Variants in CTNNA2 observed in about 807,000 individuals in gnomAD.
The protein encoded by CTNNA2 is catenin alpha 2.
Under a neutral mutation model 101.0 loss-of-function variants are expected in CTNNA2, and 42 were observed. The observed-to-expected ratio is 0.42, with a 90% confidence interval of 0.32 to 0.54. CTNNA2 has a LOEUF of 0.54. CTNNA2 is among the 20% of genes least tolerant of loss of function. The pLI is 0.14. For synonymous variants in CTNNA2, 450 were observed against 456.4 expected (o/e 0.99, Z 0.18); for missense variants, 871 against 1,223.1 (o/e 0.71, Z 4.29).
intron 2 of CTNNA2, among the ~76,000 whole-genome samples, chr2:79,690,915 TA>T (rs755802444): frequency 1.3e-5 from 2 of 151,832 alleles, no homozygotes; most frequent in Non-Finnish European, 2.9e-5. Flanking sequence ...ATTTTGTTTT[TA>T]TTTGCATTTA....
intron 4 of CTNNA2, among the ~76,000 whole-genome samples, chr2:79,496,716 T>G (rs1573193198): frequency 6.6e-6 from 1 of 151,994 alleles, no homozygotes; most frequent in African/African-American, 2.4e-5. Flanking sequence ...TATATAATTT[T>G]ATATATGTAT....
chr2:79,580,800 T>C (rs1350950033), intron 1 of CTNNA2, among the ~76,000 whole-genome samples: 1 of 152,172 alleles, frequency 6.6e-6, no homozygotes, highest in African/African-American at 2.4e-5. Context: ...GTAATCATTT[T>C]CCTAGAGTAG....
At chr2:80,051,705 C>A (rs764499348) in intron 7 of CTNNA2, among the ~76,000 whole-genome samples, 5 of 152,034 alleles carry the variant, frequency 3.3e-5, no homozygotes, top group Non-Finnish European at 7.4e-5. Context: ...TTCCCCCCCA[C>A]AGAGGCCATT....
At chr2:79,965,454 C>T (rs1017607356) in intron 7 of CTNNA2, among the ~76,000 whole-genome samples, 1 of 152,100 alleles carries the variant, frequency 6.6e-6, no homozygotes, top group African/African-American at 2.4e-5. Flanking sequence ...CATGACTTTA[C>T]AGACTTTAGT....
At chr2:79,914,623 TAAAC>T (rs1328388048) in intron 7 of CTNNA2, among the ~76,000 whole-genome samples, 2 of 152,198 alleles carry the variant, frequency 1.3e-5, no homozygotes, top group Admixed American at 6.5e-5. Flanking sequence ...ACAGTTTTCT[TAAAC>T]AATCATGCAG....
intron 3 of CTNNA2, among the ~76,000 whole-genome samples, chr2:79,771,834 T>A (rs1026076248): frequency 2.6e-5 from 4 of 152,202 alleles, no homozygotes; most frequent in Admixed American, 2.6e-4. Flanking sequence ...CAAAATTATC[T>A]TCCAAACTGA....
At chr2:80,154,963 A>G (rs1250952067) in intron 7 of CTNNA2, among the ~76,000 whole-genome samples, 2 of 152,252 alleles carry the variant, frequency 1.3e-5, no homozygotes, top group Non-Finnish European at 2.9e-5. Flanking sequence ...GTATATAGCC[A>G]ATACATGTTG....
chr2:79,742,241 G>C (rs777637993), intron 2 of CTNNA2, among the ~76,000 whole-genome samples: 2 of 152,090 alleles, frequency 1.3e-5, no homozygotes, highest in Non-Finnish European at 2.9e-5. Context: ...CCACATTATA[G>C]TCGTGTAGCA....
chr2:80,277,179 G>C (rs1180082254), intron 7 of CTNNA2, among the ~76,000 whole-genome samples: 1 of 152,138 alleles, frequency 6.6e-6, no homozygotes, highest in Non-Finnish European at 1.5e-5. Flanking sequence ...GACAAGGTCA[G>C]GGAGGGGTGG....
intron 2 of CTNNA2, among the ~76,000 whole-genome samples, chr2:79,719,859 T>G (rs1199880285): frequency 6.6e-6 from 1 of 152,076 alleles, no homozygotes; most frequent in Admixed American, 6.6e-5. Flanking sequence ...TTACTCTATC[T>G]ACTGTTTCTT....
intron 3 of CTNNA2, among the ~76,000 whole-genome samples, chr2:79,763,946 A>T (rs756952802): frequency 1.1e-4 from 16 of 152,328 alleles, no homozygotes; most frequent in Non-Finnish European, 1.8e-4. Context: ...TTTGGACTGC[A>T]TTAGGCTTAG....
intron 9 of CTNNA2, among the ~76,000 whole-genome samples, chr2:80,472,106 C>T (rs565136172): frequency 2.8e-5 from 4 of 143,240 alleles, no homozygotes; most frequent in South Asian, 2.3e-4. Flanking sequence ...GGTGACAGAG[C>T]GAGACTCCAT....
At position 79,306,499 on chromosome 2, in the gene CTNNA2, G is replaced by A. The variant is rs529133960; in HGVS notation, c.-405-6210G>A. Among the ~76,000 whole-genome samples the A allele has an allele frequency of 3.3e-4, 50 of 152,132 alleles. No individual in the cohort carries two copies. The South Asian group carries it at 9.1e-3, about 28-fold the overall frequency. Reference sequence around the variant, plus strand: ...TAATTAAAAAATAAAATTAAAAAAGGCAATTTAGAACATTTCTTTTGACTG... The same window carrying A: ...TAATTAAAAAATAAAATTAAAAAAGACAATTTAGAACATTTCTTTTGACTG... On this transcript the variant is annotated intron_variant, in intron 2 of 21. Transcript: ENST00000466387.
intron 7 of CTNNA2, among the ~76,000 whole-genome samples, chr2:80,238,560 G>T (rs557574301): frequency 2.6e-5 from 4 of 152,242 alleles, no homozygotes; most frequent in African/African-American, 9.6e-5. Flanking sequence ...CCTGCAGAGA[G>T]GCCCCTGCAT....
chr2:80,459,585 C>A (rs1265625266), intron 9 of CTNNA2, among the ~76,000 whole-genome samples: 1 of 152,126 alleles, frequency 6.6e-6, no homozygotes, highest in African/African-American at 2.4e-5. Flanking sequence ...TTAAGGGAGT[C>A]TGTTGAAAGT....
At chr2:79,969,960 A>T (rs898794564) in intron 7 of CTNNA2, among the ~76,000 whole-genome samples, 2 of 152,198 alleles carry the variant, frequency 1.3e-5, no homozygotes, top group Non-Finnish European at 2.9e-5. Context: ...GAAATAACTT[A>T]CTAGATGGCA....
chr2:79,196,776 C>T (rs944379155), intron 1 of CTNNA2, among the ~76,000 whole-genome samples: 1 of 152,198 alleles, frequency 6.6e-6, no homozygotes, highest in Non-Finnish European at 1.5e-5. Context: ...TGAAATTGTG[C>T]TATCTCAGGG....
At chr2:80,450,884 TG>T (rs1344223600) in intron 9 of CTNNA2, among the ~76,000 whole-genome samples, 1 of 152,152 alleles carries the variant, frequency 6.6e-6, no homozygotes, top group Non-Finnish European at 1.5e-5. Flanking sequence ...CAGTGGAACT[TG>T]AGAGGAACAA....
chr2:80,293,468 C>T (rs190245657), intron 7 of CTNNA2, among the ~76,000 whole-genome samples: 1 of 152,244 alleles, frequency 6.6e-6, no homozygotes, highest in Admixed American at 6.5e-5. Context: ...GACAGAAGAT[C>T]CAATCTTTAT....
Sources: allele counts gnomAD v4.1 joint callset (sites outside exome capture counted in the v4.1 genomes callset), GRCh38; gene constraint gnomAD v4.1.1; transcripts MANE v1.5; gene names NCBI Gene and HGNC (gene_info 2026-07-23, HGNC 2026-07-21).